The following DPP6 variants were observed in gnomAD, a reference collection of about 807,000 sequenced individuals.
DPP6 encodes dipeptidyl peptidase like 6, also known as A-type potassium channel modulatory protein DPP6.
A neutral mutation model predicts 122.6 loss-of-function variants in DPP6; 69 were observed. The ratio of observed to expected loss-of-function variants is 0.56; its 90% CI spans 0.46 to 0.69. The LOEUF (loss-of-function observed/expected upper bound fraction) is 0.69. Ranked by LOEUF, DPP6 falls within the 30% of genes least tolerant of loss-of-function variation. The probability of loss-of-function intolerance (pLI) is 0.00; values close to 1 mark genes in which losing one functional copy is unlikely to be tolerated. For synonymous variants in DPP6, 418 were observed against 433.1 expected (o/e 0.97, Z 0.43); for missense variants, 928 against 1,116.9 (o/e 0.83, Z 2.41).
the DPP6 span, among the ~76,000 whole-genome samples, chr7:153,808,395 CTG>C: frequency 2.5e-4 from 37 of 147,718 alleles, no homozygotes; most frequent in East Asian, 4.5e-3. Context: ...GCGTGTGTGC[CTG>C]TGTGTGTGCC....
At chr7:154,719,907 TCAGGGGGTGC>T (rs1172220715) in intron 7 of DPP6, among the ~76,000 whole-genome samples, 1 of 152,184 alleles carries the variant, frequency 6.6e-6, no homozygotes, top group African/African-American at 2.4e-5. Flanking sequence ...TCTGTGGGTT[TCAGGGGGTGC>T]CAGGGACCAG....
At chr7:154,584,601 C>T (rs1268721361) in intron 5 of DPP6, among the ~76,000 whole-genome samples, 1 of 152,234 alleles carries the variant, frequency 6.6e-6, no homozygotes, top group Non-Finnish European at 1.5e-5. Context: ...TTTGCCACGT[C>T]GCTCGGGACG....
intron 1 of DPP6, among the ~76,000 whole-genome samples, chr7:154,321,946 C>G (rs1808002348): frequency 6.6e-6 from 1 of 151,952 alleles, no homozygotes; most frequent in South Asian, 2.1e-4. Flanking sequence ...GCTGAAAACC[C>G]CCGCCAGCGA....
chr7:154,084,991 A>G (rs1394135738), intron 1 of DPP6, among the ~76,000 whole-genome samples: 3 of 150,056 alleles, frequency 2.0e-5, no homozygotes, highest in Non-Finnish European at 4.5e-5. Context: ...CTCCGTCTCA[A>G]AAAAAAAAAA....
chr7:154,854,159 C>T (rs1376076692), intron 17 of DPP6, among the ~76,000 whole-genome samples: 1 of 152,206 alleles, frequency 6.6e-6, no homozygotes, highest in Admixed American at 6.5e-5. Flanking sequence ...CCACTGAGAA[C>T]CTGCCATGTG....
At chr7:154,172,285 C>T (rs1797574942) in intron 1 of DPP6, among the ~76,000 whole-genome samples, 1 of 152,100 alleles carries the variant, frequency 6.6e-6, no homozygotes. Context: ...TAAACAAATA[C>T]ATTAACAAGA....
chr7:154,461,240 A>G (rs1281643200), intron 2 of DPP6, among the ~76,000 whole-genome samples: 2 of 152,164 alleles, frequency 1.3e-5, no homozygotes, highest in Non-Finnish European at 2.9e-5. Context: ...GTGTATACGT[A>G]CCATATTTTC....
chr7:153,800,418 G>A, the DPP6 span, among the ~76,000 whole-genome samples: 3 of 152,180 alleles, frequency 2.0e-5, no homozygotes, highest in Non-Finnish European at 2.9e-5. Flanking sequence ...CAGACGCTGG[G>A]AATGGTGTTG....
intron 8 of DPP6, among the ~76,000 whole-genome samples, chr7:154,747,353 G>A (rs1843083342): frequency 6.6e-6 from 1 of 152,200 alleles, no homozygotes; most frequent in African/African-American, 2.4e-5. Flanking sequence ...GCTCTGAGAA[G>A]CGAAATGATT....
intron 17 of DPP6, chr7:154,865,332 A>G (rs1803768527): frequency 6.6e-6 from 1 of 152,210 alleles, no homozygotes; most frequent in Non-Finnish European, 1.5e-5. Context: ...TGGGATGATC[A>G]TGTCAGCAGG....
chr7:153,786,655 C>T, the DPP6 span, among the ~76,000 whole-genome samples: 18 of 142,154 alleles, frequency 1.3e-4, no homozygotes, highest in East Asian at 1.1e-3. Flanking sequence ...AGGAGAATGG[C>T]GTGAACCCGG....
rs563251402 is a variant in DPP6 at position 154,143,694 on chromosome 7, G to A, written c.243+90631G>A. On this transcript the variant is annotated intron_variant, in intron 1 of 25. Transcript: ENST00000377770. ...TTACAAAATGGTGTGACTTTATTCT[G>A]TAACCTGCTGCTTTGCATAGAAATA... 8.0e-3 allele frequency among the ~76,000 whole-genome samples: 1,217 copies of A among 151,344 alleles called. 7 individuals are homozygous for A. The highest frequency in any genetic ancestry group is 0.027 in the African/African-American group (1,133 of 41,352).
intron 1 of DPP6, among the ~76,000 whole-genome samples, chr7:154,323,833 T>G (rs1203305290): frequency 1.3e-5 from 2 of 152,216 alleles, no homozygotes; most frequent in Admixed American, 1.3e-4. Context: ...TATTTTGATC[T>G]GAGCTGGTTG....
At chr7:154,349,496 G>C (rs1036170282) in intron 1 of DPP6, among the ~76,000 whole-genome samples, 2 of 152,148 alleles carry the variant, frequency 1.3e-5, no homozygotes, top group African/African-American at 4.8e-5. Flanking sequence ...TTGATGTCCA[G>C]GTACAGAGAA....
chr7:154,249,585 G>A (rs1802217546), intron 1 of DPP6, among the ~76,000 whole-genome samples: 1 of 152,114 alleles, frequency 6.6e-6, no homozygotes, highest in African/African-American at 2.4e-5. Flanking sequence ...GTGTTTCAGG[G>A]ATTTTGTTTT....
chr7:154,493,783 A>G (rs923999555), intron 3 of DPP6, among the ~76,000 whole-genome samples: 1 of 152,238 alleles, frequency 6.6e-6, no homozygotes, highest in Non-Finnish European at 1.5e-5. Context: ...TATCGGTCAC[A>G]CTGTGATTGC....
At chr7:154,501,251 G>A (rs1165376331) in intron 3 of DPP6, among the ~76,000 whole-genome samples, 1 of 150,974 alleles carries the variant, frequency 6.6e-6, no homozygotes, top group Non-Finnish European at 1.5e-5. Context: ...CAACATGATA[G>A]AAAAAAAAAA....
At chr7:154,689,046 A>AT (rs1302826572) in intron 7 of DPP6, among the ~76,000 whole-genome samples, 17 of 152,308 alleles carry the variant, frequency 1.1e-4, no homozygotes, top group Admixed American at 7.8e-4. Flanking sequence ...ATAATGACAC[A>AT]TTTATTTCTT....
chr7:154,463,453 C>T (rs975851793), intron 2 of DPP6, among the ~76,000 whole-genome samples: 4 of 151,982 alleles, frequency 2.6e-5, no homozygotes, highest in Admixed American at 1.3e-4. Flanking sequence ...GTGATCCGCC[C>T]GTCTCGGCCT....
Sources: gnomAD v4.1 joint callset for allele counts (sites outside exome capture counted in the v4.1 genomes callset) on GRCh38, gnomAD v4.1.1 for gene constraint, MANE v1.5 for transcripts, NCBI Gene and HGNC (gene_info 2026-07-23, HGNC 2026-07-21) for gene names.